The following PCLO variants were observed in gnomAD, a reference collection of about 807,000 sequenced individuals.
PCLO encodes protein piccolo.
In PCLO, 82 loss-of-function variants were observed where a neutral mutation model predicts 427.5. The ratio of observed to expected loss-of-function variants is 0.19; its 90% CI spans 0.16 to 0.23. The LOEUF (loss-of-function observed/expected upper bound fraction) is 0.23, where lower values mean the gene tolerates loss of function less well. PCLO is among the 10% of genes least tolerant of loss of function. The pLI, the probability that PCLO is intolerant of heterozygous loss-of-function variation, is 1.00. For synonymous variants in PCLO, 2,357 were observed against 2,155.4 expected (o/e 1.09, Z -2.59); for missense variants, 6,239 against 6,115.9 (o/e 1.02, Z -0.67).
intron 9 of PCLO, among the ~76,000 whole-genome samples, chr7:82,884,002 C>T (rs2116072480): frequency 6.6e-6 from 1 of 152,250 alleles, no homozygotes; most frequent in East Asian, 1.9e-4. Context: ...AATTCCTGAC[C>T]TCAGATGATG....
chr7:83,067,318 A>G (rs1345927249), intron 3 of PCLO, among the ~76,000 whole-genome samples: 1 of 152,150 alleles, frequency 6.6e-6, no homozygotes, highest in Non-Finnish European at 1.5e-5. Context: ...CCTAGTTAGG[A>G]GCTTCCTCCT....
At chr7:82,803,071 A>G (rs1015589000) in intron 21 of PCLO, among the ~76,000 whole-genome samples, 2 of 152,106 alleles carry the variant, frequency 1.3e-5, no homozygotes, top group African/African-American at 4.8e-5. Flanking sequence ...ACATCTGCAT[A>G]CATATTTAAG....
At position 83,118,896 on chromosome 7, in the gene PCLO, T is replaced by A. The variant is rs1024782984; in HGVS notation, c.3300+15354A>T. ...CCATCTGGGGGAAACATGGGAATGT[T>A]TATATCACCTCTTTCCCAACTCTAA... is the stretch of plus-strand genomic sequence containing the variant. On this transcript the variant is annotated intron_variant, in intron 3 of 24. Transcript: ENST00000333891. Among the ~76,000 whole-genome samples the A allele has an allele frequency of 3.9e-5, 6 of 152,198 alleles. No homozygotes were observed. The East Asian group carries it at 9.7e-4, about 25-fold the overall frequency.
At chr7:82,774,654 C>T (rs1055231173) in intron 22 of PCLO, among the ~76,000 whole-genome samples, 3 of 152,170 alleles carry the variant, frequency 2.0e-5, no homozygotes, top group Non-Finnish European at 4.4e-5. Flanking sequence ...TGTATACACC[C>T]TGTCCCCAGA....
chr7:83,050,847 A>C (rs908312832), intron 3 of PCLO, among the ~76,000 whole-genome samples: 1 of 152,054 alleles, frequency 6.6e-6, no homozygotes, highest in Non-Finnish European at 1.5e-5. Flanking sequence ...TGGGAGGTGG[A>C]GGCTGCAGTG....
At chr7:83,106,627 GC>G (rs1257661193) in intron 3 of PCLO, among the ~76,000 whole-genome samples, 4 of 151,994 alleles carry the variant, frequency 2.6e-5, no homozygotes, top group African/African-American at 9.7e-5. Flanking sequence ...ATCTTGCACA[GC>G]ATTTAAAATT....
chr7:82,947,833 T>A (rs1466358940), intron 6 of PCLO, among the ~76,000 whole-genome samples: 1 of 152,132 alleles, frequency 6.6e-6, no homozygotes, highest in African/African-American at 2.4e-5. Context: ...AATTTCCAAG[T>A]GGATACATTT....
intron 6 of PCLO, among the ~76,000 whole-genome samples, chr7:82,917,979 A>T (rs963470420): frequency 6.6e-5 from 10 of 151,792 alleles, no homozygotes; most frequent in Admixed American, 2.0e-4. Context: ...GTTTTCTGTT[A>T]TCATATTTCT....
At chr7:83,079,178 T>C (rs1024340491) in intron 3 of PCLO, among the ~76,000 whole-genome samples, 3 of 152,172 alleles carry the variant, frequency 2.0e-5, no homozygotes, top group African/African-American at 4.8e-5. Context: ...GATTTCTGTA[T>C]TTCAATGTGG....
Position 82,952,411 on chromosome 7 carries a change from T to C in PCLO, c.8542A>G (p.Arg2848Gly), listed in dbSNP as rs772997691. 1.9e-6 allele frequency: 3 copies of C among 1,613,844 alleles called. No individual in the cohort carries two copies. Among genetic ancestry groups the C allele is most frequent in the Non-Finnish European group, 8.5e-7 (1 of 1,179,810 alleles). ...GATAAGTTTATTGGTGCTTCTTCCC[T>C]AGCTATAGGAAAGACCTGGTCACTT... The part of the protein sequence containing the change: ...IPSDQVFPIA[R>G]EEAPINLSLG... Residue 2848 changes from arginine (R) to glycine (G), a missense_variant, in exon 5 of 25, where the codon AGG (arginine) becomes GGG (glycine). Arg to Gly is a moderately radical substitution (Grantham distance 125). Coordinates refer to ENST00000333891, the MANE Select transcript of PCLO (RefSeq NM_033026.6).
intron 13 of PCLO, 132 bp from the exon 14 acceptor site, chr7:82,841,641 C>T: frequency 1.6e-6 from 1 of 629,192 alleles, no homozygotes; most frequent in Non-Finnish European, 2.8e-6. Flanking sequence ...ATCCATTTGG[C>T]TGCTTCAGAA....
intron 5 of PCLO, 111 bp downstream of exon 5, chr7:82,951,745 A>G (rs577667816): frequency 1.4e-6 from 2 of 1,430,230 alleles, no homozygotes; most frequent in Non-Finnish European, 1.8e-6. Flanking sequence ...ACATCCAAAG[A>G]AAGAGAAAAA....
intron 3 of PCLO, among the ~76,000 whole-genome samples, chr7:83,001,480 C>T (rs1180295618): frequency 1.4e-5 from 2 of 147,942 alleles, no homozygotes; most frequent in Admixed American, 6.8e-5. Context: ...TGCTGAAGAG[C>T]TTTGTTCACT....
intron 22 of PCLO, among the ~76,000 whole-genome samples, chr7:82,780,593 G>A (rs1412937326): frequency 6.6e-6 from 1 of 152,188 alleles, no homozygotes; most frequent in Admixed American, 6.5e-5. Flanking sequence ...TGTCGCCCAG[G>A]CTGGAGTGCG....
Position 82,814,804 on chromosome 7 carries a change from T to G in PCLO, c.14791+7691A>C, listed in dbSNP as rs559898752. Reference sequence around the variant, plus strand: ...TAACATGTTAATCTTCTCAAGAATATTTTGACCTTGCAGATCCCTGAAAGG... The same window carrying G: ...TAACATGTTAATCTTCTCAAGAATAGTTTGACCTTGCAGATCCCTGAAAGG... On this transcript the variant is annotated intron_variant, in intron 20 of 24. Coordinates refer to ENST00000333891, the MANE Select transcript of PCLO (RefSeq NM_033026.6). Among the ~76,000 whole-genome samples, 17 of 152,008 alleles carry G rather than the reference T, an allele frequency of 1.1e-4. No homozygotes were observed. The South Asian group carries it at 3.1e-3, about 28-fold the overall frequency.
chr7:83,083,958 C>G (rs537441026), intron 3 of PCLO, among the ~76,000 whole-genome samples: 60 of 152,208 alleles, frequency 3.9e-4, no homozygotes, highest in African/African-American at 1.4e-3. Flanking sequence ...TGTGAAGAGA[C>G]TGGGTTGACA....
At chr7:82,904,221 C>T (rs546737794) in intron 8 of PCLO, among the ~76,000 whole-genome samples, 1 of 151,956 alleles carries the variant, frequency 6.6e-6, no homozygotes, top group East Asian at 1.9e-4. Flanking sequence ...CAAGTGCTTA[C>T]ATTTTTCTTC....
rs1027562118 is a variant in PCLO, at chr7:83,094,213, T to TTTC, written c.3300+40036_3300+40037insGAA. ...CTTTTGGGACTGATTTTTTTTTCTTTTTTTTTTTTTTTTTGAGACAGAGTC... is the reference window on the plus strand; with the variant it reads ...CTTTTGGGACTGATTTTTTTTTCTTTTTCTTTTTTTTTTTTTTGAGACAGAGTC... On this transcript the variant is annotated intron_variant, in intron 3 of 24. Coordinates refer to ENST00000333891, the MANE Select transcript of PCLO (RefSeq NM_033026.6). Among the ~76,000 whole-genome samples the TTTC allele has an allele frequency of 1.9e-3, 274 of 146,598 alleles. 2 individuals carry two copies. Among genetic ancestry groups the TTTC allele is most frequent in the African/African-American group, 6.6e-3 (264 of 39,764 alleles).
At chr7:83,091,739 G>T (rs1790383067) in intron 3 of PCLO, among the ~76,000 whole-genome samples, 1 of 152,236 alleles carries the variant, frequency 6.6e-6, no homozygotes, top group East Asian at 1.9e-4. Context: ...AGAAAAATGT[G>T]TTTAAATCAT....
Sources: gnomAD v4.1 joint callset for allele counts (sites outside exome capture counted in the v4.1 genomes callset) on GRCh38, gnomAD v4.1.1 for gene constraint, MANE v1.5 for transcripts, NCBI Gene and HGNC (gene_info 2026-07-23, HGNC 2026-07-21) for gene names.